Variants in MAML3 observed in about 807,000 individuals in gnomAD.
MAML3 encodes the protein mastermind-like protein 3.
MAML3 carries 27 observed loss-of-function variants against 101.9 expected under a neutral mutation model. That is an observed-to-expected ratio of 0.27 (90% confidence interval 0.20 to 0.37). MAML3 has a LOEUF of 0.37. MAML3 is among the 10% of genes least tolerant of loss of function. The pLI, the probability that MAML3 is intolerant of heterozygous loss-of-function variation, is 1.00. For synonymous variants in MAML3, 501 were observed against 555.9 expected (o/e 0.90, Z 1.39); for missense variants, 1,316 against 1,444.9 (o/e 0.91, Z 1.45).
rs1553976032 is a variant in MAML3 at position 140,104,375 on chromosome 4, T to TATAA, written c.468+48484_468+48485insTTAT. ...ACCAAACCTATTTTATATATATATATAATATATATATATTATATATTATAT... is the reference window on the plus strand; with the variant it reads ...ACCAAACCTATTTTATATATATATATATAAAATATATATATATTATATATTATAT... On this transcript the variant is annotated intron_variant, in intron 1 of 4. Coordinates refer to ENST00000509479, the MANE Select transcript of MAML3 (RefSeq NM_018717.5). Among the ~76,000 whole-genome samples the TATAA allele has an allele frequency of 2.2e-4, 25 of 111,234 alleles. No homozygotes were observed. In the East Asian group the frequency reaches 3.9e-3, roughly 17 times the overall value. 73.0% of individuals were successfully genotyped at this position (111,234 alleles called of 152,430 possible).
intron 1 of MAML3, among the ~76,000 whole-genome samples, chr4:140,012,408 C>T (rs116470306): frequency 4.6e-5 from 7 of 152,192 alleles, no homozygotes; most frequent in Non-Finnish European, 1.0e-4. Context: ...TTCCCAGCCT[C>T]CTGTATGCAA....
intron 1 of MAML3, among the ~76,000 whole-genome samples, chr4:140,015,505 A>G (rs1343321274): frequency 6.6e-6 from 1 of 152,190 alleles, no homozygotes; most frequent in Non-Finnish European, 1.5e-5. Flanking sequence ...AAGAGCATCT[A>G]AAAAAAGTCT....
chr4:139,980,986 A>C (rs1186207574), intron 1 of MAML3, among the ~76,000 whole-genome samples: 3 of 152,138 alleles, frequency 2.0e-5, no homozygotes, highest in Non-Finnish European at 4.4e-5. Context: ...GAACAGAAAG[A>C]ATGCCAATGT....
intron 1 of MAML3, among the ~76,000 whole-genome samples, chr4:139,941,512 A>G (rs1733595252): frequency 6.7e-6 from 1 of 149,540 alleles, no homozygotes; most frequent in Non-Finnish European, 1.5e-5. Flanking sequence ...ATACCAAGTT[A>G]ATAACCCTAA....
intron 3 of MAML3, among the ~76,000 whole-genome samples, chr4:139,729,983 T>G (rs1301755769): frequency 6.6e-6 from 1 of 152,256 alleles, no homozygotes; most frequent in Non-Finnish European, 1.5e-5. Context: ...TATAGAATTC[T>G]TCTCAATTCC....
intron 1 of MAML3, among the ~76,000 whole-genome samples, chr4:139,988,183 CG>C (rs1024657024): frequency 4.0e-5 from 6 of 151,170 alleles, no homozygotes; most frequent in African/African-American, 1.5e-4. Flanking sequence ...AAAAATTAGC[CG>C]GGCCTGGTGG....
chr4:139,792,877 T>G (rs1049428727), intron 2 of MAML3, among the ~76,000 whole-genome samples: 1 of 151,880 alleles, frequency 6.6e-6, no homozygotes, highest in Non-Finnish European at 1.5e-5. Context: ...CCCAAGTAAC[T>G]GGGACTATAG....
intron 2 of MAML3, among the ~76,000 whole-genome samples, chr4:139,815,902 T>A (rs185715184): frequency 6.6e-6 from 1 of 152,052 alleles, no homozygotes; most frequent in Non-Finnish European, 1.5e-5. Context: ...ACGATGAGCA[T>A]AATAAATAAT....
At chr4:140,103,845 G>A (rs1728289981) in intron 1 of MAML3, among the ~76,000 whole-genome samples, 1 of 152,044 alleles carries the variant, frequency 6.6e-6, no homozygotes, top group Non-Finnish European at 1.5e-5. Flanking sequence ...CTGCTAATGA[G>A]GTAAAAATGC....
At chr4:139,870,706 A>G (rs922978314) in intron 2 of MAML3, among the ~76,000 whole-genome samples, 10 of 152,088 alleles carry the variant, frequency 6.6e-5, no homozygotes, top group African/African-American at 2.4e-4. Flanking sequence ...CAGTGGCGCA[A>G]TCACAGCTAA....
chr4:139,883,483 CTTT>C (rs1242112925), intron 2 of MAML3, among the ~76,000 whole-genome samples: 1 of 151,970 alleles, frequency 6.6e-6, no homozygotes, highest in Non-Finnish European at 1.5e-5. Flanking sequence ...ACATGGGCTA[CTTT>C]TTAAAATCAT....
Position 139,825,017 on chromosome 4 carries a change from C to T in MAML3, c.2079+64340G>A, listed in dbSNP as rs551341712. On this transcript the variant is annotated intron_variant, in intron 2 of 4. Coordinates refer to ENST00000509479, the MANE Select transcript of MAML3 (RefSeq NM_018717.5). ...TTCATCTTCTAAAACCTCAGGGCAGCCCCTAGGCAGCCCCTCCTGCAGCAC... is the reference window on the plus strand; with the variant it reads ...TTCATCTTCTAAAACCTCAGGGCAGTCCCTAGGCAGCCCCTCCTGCAGCAC... Among the ~76,000 whole-genome samples the T allele has an allele frequency of 1.8e-4, 27 of 152,218 alleles. No individual in the cohort carries two copies. The South Asian group carries it at 5.6e-3, about 32-fold the overall frequency.
In MAML3 at chr4:139,916,614, C is replaced by T. The variant is rs759923683; in HGVS notation, c.469-25647G>A. The stretch of plus-strand genomic sequence containing the variant: ...GGCCATGGCCTCAGCACTTAAAAGT[C>T]GAGAGGGCCACCAACCATGGTTCTA... On this transcript the variant is annotated intron_variant, in intron 1 of 4. Transcript: ENST00000509479. Among the ~76,000 whole-genome samples, 192 of 152,308 alleles carry T rather than the reference C, an allele frequency of 1.3e-3. 1 individual carries two copies. The highest frequency in any genetic ancestry group is 1.0e-3 in the Non-Finnish European group (70 of 68,026).
At position 139,720,335 on chromosome 4, in the gene MAML3, AAG is replaced by A; in HGVS notation, c.2417-14_2417-13del. The A allele has an allele frequency of 6.6e-7, 1 of 1,516,962 alleles. No homozygotes were observed. Among genetic ancestry groups the A allele is most frequent in the East Asian group, 2.3e-5 (1 of 43,974 alleles). 94.0% of individuals were successfully genotyped at this position (1,516,962 alleles called of 1,614,324 possible). ...ATCCTGGGGAGAACCTGCAGTGAAA[AAG>A]AGGACACATACCACTCACTCTTCTC... On this transcript the variant is annotated splice_polypyrimidine_tract_variant and intron_variant, in intron 4 of 4. Transcript: ENST00000509479.
intron 1 of MAML3, among the ~76,000 whole-genome samples, chr4:140,059,214 G>C (rs1159987861): frequency 6.6e-6 from 1 of 152,194 alleles, no homozygotes; most frequent in African/African-American, 2.4e-5. Context: ...CTTTAAGCTT[G>C]AGGAAGAAAA....
intron 1 of MAML3, among the ~76,000 whole-genome samples, chr4:140,098,791 G>A (rs764055429): frequency 6.6e-6 from 1 of 152,192 alleles, no homozygotes; most frequent in Middle Eastern, 3.2e-3. Flanking sequence ...TGGCCTCCAG[G>A]GTTTAGACAG....
In MAML3 at chr4:139,831,796, C is replaced by CT. The variant is rs72068259; in HGVS notation, c.2079+57560dup. On this transcript the variant is annotated intron_variant, in intron 2 of 4. Coordinates refer to ENST00000509479, the MANE Select transcript of MAML3 (RefSeq NM_018717.5). ...TTCCAGGGAGTTGATCCCTCTCACT[C>CT]TTTTTTTTTTTTTTGAGACGGAGTC... Among the ~76,000 whole-genome samples the CT allele has an allele frequency of 3.8e-3, 544 of 143,428 alleles. 2 individuals carry two copies. Among genetic ancestry groups the CT allele is most frequent in the East Asian group, 0.036 (177 of 4,928 alleles). The allele number at this position is 143,428 out of a possible 152,430, so 94.1% of individuals were successfully genotyped here.
intron 1 of MAML3, among the ~76,000 whole-genome samples, chr4:140,006,306 C>T (rs1195890166): frequency 6.6e-6 from 1 of 152,026 alleles, no homozygotes; most frequent in Non-Finnish European, 1.5e-5. Flanking sequence ...AGGAAACAGG[C>T]CGGGTGCGGT....
intron 1 of MAML3, among the ~76,000 whole-genome samples, chr4:140,129,957 C>T (rs2111038101): frequency 6.7e-6 from 1 of 149,664 alleles, no homozygotes; most frequent in East Asian, 2.0e-4. Context: ...CTGAGCGAAA[C>T]TCCGTCTCAA....
Sources: allele counts gnomAD v4.1 joint callset (sites outside exome capture counted in the v4.1 genomes callset), GRCh38; gene constraint gnomAD v4.1.1; transcripts MANE v1.5; gene names NCBI Gene and HGNC (gene_info 2026-07-23, HGNC 2026-07-21).